ABCC1: variants seen among roughly 807,000 people sequenced by gnomAD.
ABCC1 encodes the protein ATP binding cassette subfamily C member 1 (ABCC1 blood group), also known as multidrug resistance-associated protein 1.
ABCC1 carries 83 observed loss-of-function variants against 172.9 expected under a neutral mutation model. The ratio of observed to expected loss-of-function variants is 0.48; its 90% CI spans 0.40 to 0.58. The LOEUF (loss-of-function observed/expected upper bound fraction) is 0.58. Among genes scored for constraint, ABCC1 ranks in the 20% least tolerant of loss-of-function variants. The probability of loss-of-function intolerance (pLI) is 0.00; values close to 1 mark genes in which losing one functional copy is unlikely to be tolerated. For missense variants in ABCC1, 1,817 were observed against 2,002.7 expected, an observed-to-expected ratio of 0.91 and a Z score of 1.77; for synonymous variants, 937 against 825.2, an observed-to-expected ratio of 1.14 and a Z score of -2.32.
intron 19 of ABCC1, chr16:16,094,991 T>C (rs2051413874): frequency 6.6e-6 from 1 of 152,022 alleles, no homozygotes; most frequent in African/African-American, 2.4e-5. Flanking sequence ...CTAATTTTTG[T>C]ATTTTTAGTA....
Position 16,124,781 on chromosome 16 carries a change from T to C in ABCC1, c.3591-8T>C. On this transcript the variant is annotated splice_polypyrimidine_tract_variant and splice_region_variant and intron_variant, in intron 24 of 30. Coordinates refer to ENST00000399410, the MANE Select transcript of ABCC1 (RefSeq NM_004996.4). ...TGCCTGTTTGTCTGCCTGTGTGTCT[T>C]GGCGCAGGTGGCTGGCCGTGCGGCT... 1.2e-6 allele frequency: 2 copies of C among 1,614,064 alleles called. No homozygotes were observed. The highest frequency in any genetic ancestry group is 1.7e-6 in the Non-Finnish European group (2 of 1,180,028).
rs1455808996 is a variant in ABCC1, at chr16:16,087,004, G to T, written c.2460+13G>T. 6.2e-7 allele frequency: 1 copy of T among 1,613,908 alleles called. No homozygotes were observed. The highest frequency in any genetic ancestry group is 1.3e-5 in the African/African-American group (1 of 75,070). ...GCTGAAGAACAAGGTGCCTGCTGGC[G>T]GGGTGGGGCTTGGTGTTGGGCCGTC... On this transcript the variant is annotated intron_variant, in intron 18 of 30. Transcript: ENST00000399410.
chr16:15,961,137 C>T (rs537085726), intron 1 of ABCC1, among the ~76,000 whole-genome samples: 15 of 151,896 alleles, frequency 9.9e-5, no homozygotes, highest in South Asian at 4.2e-4. Context: ...TGAGGCACTA[C>T]GCCCTGCTGA....
intron 14 of ABCC1, chr16:16,076,103 C>G (rs1358743097): frequency 1.8e-6 from 1 of 545,886 alleles, no homozygotes; most frequent in Non-Finnish European, 3.2e-6. Flanking sequence ...AAGGACAAAG[C>G]TGCTTGCAGT....
chr16:16,016,412 C>T (rs372522766), intron 4 of ABCC1, 84 bp from the exon 5 acceptor site: 3 of 1,561,162 alleles, frequency 1.9e-6, no homozygotes, highest in South Asian at 1.2e-5. Context: ...TCTCGGCCTC[C>T]AAAAGTGCTA....
rs1346523297 is a variant in ABCC1 at position 16,090,571 on chromosome 16, A to G, written c.2627A>G (p.Gln876Arg). The G allele has an allele frequency of 1.2e-6, 2 of 1,600,922 alleles. No homozygotes were observed. The highest frequency in any genetic ancestry group is 1.7e-6 in the Non-Finnish European group (2 of 1,170,958). The change falls in exon 19 of 31, where the codon CAG (glutamine) becomes CGG (arginine). Residue 876 changes from glutamine to arginine, a missense_variant. Physicochemically the swap from Gln to Arg is conservative, Grantham distance 43. Transcript: ENST00000399410. ...ACCTATGCCAGCACAGAGCAGGAGC[A>G]GGATGCAGAGGAGAACGGTAGGGGC... is the stretch of plus-strand genomic sequence containing the variant. ...LRTYASTEQEQDAEENGVTGV... is the reference protein window; with the variant it reads ...LRTYASTEQERDAEENGVTGV...
rs114770772 is a variant in ABCC1 at position 16,139,765 on chromosome 16, G to A, written c.4487+1207G>A. Among the ~76,000 whole-genome samples the A allele has an allele frequency of 3.0e-3, 457 of 152,288 alleles. 7 individuals carry two copies. The highest frequency in any genetic ancestry group is 0.01 in the African/African-American group (431 of 41,556). Reference sequence around the variant, plus strand: ...CCACAAAAGTCAGAATGCTGCCATAGTGCCAGGGTCCTGGGGGGTTTTGAG... The same window carrying A: ...CCACAAAAGTCAGAATGCTGCCATAATGCCAGGGTCCTGGGGGGTTTTGAG... On this transcript the variant is annotated intron_variant, in intron 30 of 30. Transcript: ENST00000399410.
intron 5 of ABCC1, among the ~76,000 whole-genome samples, chr16:16,027,231 A>C (rs763271081): frequency 3.3e-5 from 5 of 152,044 alleles, no homozygotes; most frequent in African/African-American, 4.8e-5. Context: ...AGGTTAGCCA[A>C]CCTTTTCTGG....
chr16:16,079,974 C>T (rs1051522039), intron 16 of ABCC1, among the ~76,000 whole-genome samples: 1 of 151,912 alleles, frequency 6.6e-6, no homozygotes, highest in Non-Finnish European at 1.5e-5. Context: ...CCATGTCCAG[C>T]TAATTTTTAT....
At position 16,113,382 on chromosome 16, in the gene ABCC1, G is replaced by A. The variant is rs1044756731; in HGVS notation, c.3080-1384G>A. On this transcript the variant is annotated intron_variant, in intron 22 of 30. Coordinates refer to ENST00000399410, the MANE Select transcript of ABCC1 (RefSeq NM_004996.4). ...TGTTAAAATTAAATAAACGTTGGGC[G>A]CAGTAGCTCACGCCTGTAACCCCAA... 2.0e-5 allele frequency among the ~76,000 whole-genome samples: 3 copies of A among 152,152 alleles called. No homozygotes were observed. In the South Asian group the frequency reaches 6.2e-4, roughly 31 times the overall value.
Position 16,068,142 on chromosome 16 carries a change from C to T in ABCC1, c.1678-14C>T, listed in dbSNP as rs8187857. ...TCGGGGCACAGCAGTCAGCACTGGG[C>T]GTTCTGCTTGCAGGTGGCCTTGTGC... On this transcript the variant is annotated splice_polypyrimidine_tract_variant and intron_variant, in intron 12 of 30. Coordinates refer to ENST00000399410, the MANE Select transcript of ABCC1 (RefSeq NM_004996.4). 6.7e-4 allele frequency: 1,079 copies of T among 1,613,816 alleles called. 7 individuals are homozygous for T. In the African/African-American group the frequency reaches 0.012, roughly 18 times the overall value.
intron 7 of ABCC1, among the ~76,000 whole-genome samples, chr16:16,036,937 C>G (rs1459936881): frequency 6.6e-6 from 1 of 152,058 alleles, no homozygotes; most frequent in Non-Finnish European, 1.5e-5. Context: ...AACCCTGTCT[C>G]TACTAAAAAT....
chr16:16,124,384 T>TGG, intron 24 of ABCC1, among the ~76,000 whole-genome samples: 1 of 104,206 alleles, frequency 9.6e-6, no homozygotes, highest in South Asian at 3.6e-4. Context: ...CGGCTGTGTG[T>TGG]GTGTGTGTGT....
At chr16:16,128,490 T>C (rs1445939556) in intron 26 of ABCC1, among the ~76,000 whole-genome samples, 2 of 152,320 alleles carry the variant, frequency 1.3e-5, no homozygotes, top group African/African-American at 2.4e-5. Flanking sequence ...GACTGACTTT[T>C]ATATTTTTAG....
In ABCC1 at chr16:16,044,481, G is replaced by T; in HGVS notation, c.841G>T (p.Asp281Tyr). 1.2e-6 allele frequency: 2 copies of T among 1,614,200 alleles called. No individual in the cohort carries two copies. The highest frequency in any genetic ancestry group is 1.7e-6 in the Non-Finnish European group (2 of 1,180,028). The change falls in exon 8 of 31, where the codon GAT becomes TAT. Residue 281 changes from aspartate to tyrosine, a missense_variant. This residue lies in a region of ABCC1 where 398 missense variants were observed against 384.2 expected (regional missense o/e 1.04). Transcript: ENST00000399410. ...GGTGAAGGTTGTGTACTCCTCCAAG[G>T]ATCCTGCCCAGCCGAAAGAGAGTTC... Reference protein sequence around the residue: ...QPVKVVYSSKDPAQPKESSKV... With the variant: ...QPVKVVYSSKYPAQPKESSKV...
At chr16:16,133,537 G>A (rs1289962963) in intron 27 of ABCC1, among the ~76,000 whole-genome samples, 2 of 152,046 alleles carry the variant, frequency 1.3e-5, no homozygotes, top group Non-Finnish European at 2.9e-5. Flanking sequence ...CCGAGTATCT[G>A]GGACTACAGG....
At chr16:15,979,142 T>G (rs2151575189) in intron 1 of ABCC1, among the ~76,000 whole-genome samples, 1 of 151,872 alleles carries the variant, frequency 6.6e-6, no homozygotes, top group Non-Finnish European at 1.5e-5. Context: ...AATACAAAAA[T>G]TAGTTGGGTG....
intron 1 of ABCC1, among the ~76,000 whole-genome samples, chr16:15,983,854 C>G (rs2046685796): frequency 6.6e-6 from 1 of 152,082 alleles, no homozygotes; most frequent in African/African-American, 2.4e-5. Flanking sequence ...CCGCGCCTGG[C>G]CTTTAGTGAT....
chr16:15,961,143 G>A (rs556919446), intron 1 of ABCC1, among the ~76,000 whole-genome samples: 138 of 151,958 alleles, frequency 9.1e-4, no homozygotes, highest in South Asian at 2.1e-3. Flanking sequence ...ACTACGCCCT[G>A]CTGAATCTCA....
Sources: gnomAD v4.1 joint callset for allele counts (sites outside exome capture counted in the v4.1 genomes callset) on GRCh38, gnomAD v4.1.1 for gene constraint, gnomAD v4.1.1 regional missense constraint, MANE v1.5 for transcripts, NCBI Gene and HGNC (gene_info 2026-07-23, HGNC 2026-07-21) for gene names.